ACER3: variants seen among roughly 807,000 people sequenced by gnomAD.
ACER3 encodes the protein alkCDase 3.
ACER3 carries 16 observed loss-of-function variants against 48.9 expected under a neutral mutation model. The observed-to-expected ratio is 0.33, with a 90% confidence interval of 0.22 to 0.50. The LOEUF (loss-of-function observed/expected upper bound fraction) is 0.50. Among genes scored for constraint, ACER3 ranks in the 20% least tolerant of loss-of-function variants. ACER3 has a pLI of 0.98. For missense variants in ACER3, 227 were observed against 326.0 expected, an observed-to-expected ratio of 0.70 and a Z score of 2.34; for synonymous variants, 109 against 107.8, an observed-to-expected ratio of 1.01 and a Z score of -0.07.
At chr11:76,935,898 A>G (rs1039971255) in intron 2 of ACER3, among the ~76,000 whole-genome samples, 1 of 152,238 alleles carries the variant, frequency 6.6e-6, no homozygotes, top group African/African-American at 2.4e-5. Flanking sequence ...CAGATATAGA[A>G]CATCTTCATT....
chr11:76,873,838 C>A (rs1401397299), intron 1 of ACER3, among the ~76,000 whole-genome samples: 1 of 152,002 alleles, frequency 6.6e-6, no homozygotes, highest in Non-Finnish European at 1.5e-5. Context: ...TGGGGAACAT[C>A]ACTGAGATAG....
intron 2 of ACER3, among the ~76,000 whole-genome samples, chr11:76,933,173 C>CATATATATATATATATATAT (rs144524712): frequency 1.8e-3 from 234 of 129,540 alleles, no homozygotes; most frequent in East Asian, 8.8e-3. Context: ...ATACGTATTT[C>CATATATATATATATATATAT]ATATATATAT....
chr11:76,970,160 G>T (rs913240128), intron 3 of ACER3, among the ~76,000 whole-genome samples: 12 of 152,084 alleles, frequency 7.9e-5, no homozygotes, highest in African/African-American at 2.7e-4. Flanking sequence ...AAAGGGTGAG[G>T]ATTATAACGA....
At chr11:77,004,619 T>C (rs1352374272) in intron 7 of ACER3, among the ~76,000 whole-genome samples, 1 of 152,240 alleles carries the variant, frequency 6.6e-6, no homozygotes, top group Non-Finnish European at 1.5e-5. Context: ...CATTTAGAAC[T>C]GCTGTATCTT....
chr11:76,893,372 A>C (rs1032086623), intron 1 of ACER3, among the ~76,000 whole-genome samples: 3 of 151,960 alleles, frequency 2.0e-5, no homozygotes, highest in African/African-American at 7.3e-5. Flanking sequence ...CCCATCTCTA[A>C]AAAAATAAAT....
intron 2 of ACER3, among the ~76,000 whole-genome samples, chr11:76,938,070 AG>A (rs776948151): frequency 6.6e-6 from 1 of 152,192 alleles, no homozygotes; most frequent in Non-Finnish European, 1.5e-5. Flanking sequence ...GCTGGAATGC[AG>A]TGGTGCAATC....
chr11:76,977,355 T>G (rs186665598), intron 4 of ACER3, among the ~76,000 whole-genome samples: 18 of 152,308 alleles, frequency 1.2e-4, no homozygotes, highest in African/African-American at 4.1e-4. Flanking sequence ...AGTGAGACCC[T>G]TCCTGTACTG....
intron 2 of ACER3, among the ~76,000 whole-genome samples, chr11:76,951,611 T>G (rs537604290): frequency 2.2e-4 from 34 of 152,294 alleles, no homozygotes; most frequent in Non-Finnish European, 4.4e-4. Flanking sequence ...ATTTTATTTC[T>G]CCCCCTTCCT....
At chr11:76,921,767 G>C (rs1389298734) in intron 1 of ACER3, among the ~76,000 whole-genome samples, 3 of 152,098 alleles carry the variant, frequency 2.0e-5, no homozygotes, top group Admixed American at 2.0e-4. Context: ...TCCTAGATAT[G>C]TGATGTGTTT....
chr11:76,875,180 C>A (rs1168890090), intron 1 of ACER3, among the ~76,000 whole-genome samples: 2 of 123,116 alleles, frequency 1.6e-5, no homozygotes, highest in Non-Finnish European at 3.2e-5. Context: ...GTGGTGAGAT[C>A]TTGGCTCAGT....
intron 2 of ACER3, among the ~76,000 whole-genome samples, chr11:76,951,200 A>G (rs1234624768): frequency 6.6e-6 from 1 of 152,346 alleles, no homozygotes; most frequent in East Asian, 1.9e-4. Flanking sequence ...CACAAGATTC[A>G]TAAATAAAAG....
chr11:76,955,006 C>T (rs1445667616), intron 2 of ACER3, among the ~76,000 whole-genome samples: 1 of 152,154 alleles, frequency 6.6e-6, no homozygotes, highest in South Asian at 2.1e-4. Flanking sequence ...ATTAAGTACA[C>T]AGTAAATATT....
At chr11:76,997,745 AGAG>A (rs1948945593) in intron 6 of ACER3, among the ~76,000 whole-genome samples, 1 of 152,156 alleles carries the variant, frequency 6.6e-6, no homozygotes, top group South Asian at 2.1e-4. Context: ...GGCTGAGGCA[AGAG>A]GATGGCTTGA....
chr11:76,874,335 G>A (rs1441662407), intron 1 of ACER3, among the ~76,000 whole-genome samples: 4 of 151,770 alleles, frequency 2.6e-5, no homozygotes, highest in African/African-American at 9.7e-5. Context: ...AAAACACACT[G>A]TGAAGTACCT....
At chr11:76,985,862 A>G in intron 5 of ACER3, 138 bp downstream of exon 5, 2 of 478,984 alleles carry the variant, frequency 4.2e-6, no homozygotes, top group Admixed American at 4.3e-5. Context: ...CACACTGACA[A>G]ATATTGCTCC....
At chr11:76,957,433 AC>A in intron 2 of ACER3, 1 of 450,346 alleles carries the variant, frequency 2.2e-6, no homozygotes, top group Non-Finnish European at 4.5e-6. Context: ...TTAATTTTTA[AC>A]TTTTTGTGTG....
At chr11:76,938,204 G>A (rs1343523588) in intron 2 of ACER3, among the ~76,000 whole-genome samples, 1 of 152,090 alleles carries the variant, frequency 6.6e-6, no homozygotes, top group Non-Finnish European at 1.5e-5. Flanking sequence ...TTGTAGAGAT[G>A]GGGTTTCACC....
intron 3 of ACER3, among the ~76,000 whole-genome samples, chr11:76,965,299 A>G (rs1012957318): frequency 6.6e-6 from 1 of 151,332 alleles, no homozygotes; most frequent in African/African-American, 2.5e-5. Context: ...TCCAAGAAAT[A>G]TGGGACTGTG....
intron 1 of ACER3, among the ~76,000 whole-genome samples, chr11:76,895,776 GA>G (rs1369337057): frequency 2.0e-5 from 3 of 152,148 alleles, no homozygotes; most frequent in African/African-American, 4.8e-5. Flanking sequence ...ATTCACGAAA[GA>G]TTTTTTTGTA....
Sources: allele counts gnomAD v4.1 joint callset (sites outside exome capture counted in the v4.1 genomes callset), GRCh38; gene constraint gnomAD v4.1.1; transcripts MANE v1.5; gene names NCBI Gene and HGNC (gene_info 2026-07-23, HGNC 2026-07-21).